Variants in EPPK1 observed in about 807,000 individuals in gnomAD.
EPPK1 encodes the protein epiplakin.
For synonymous variants in EPPK1, 1,862 were observed against 1,721.2 expected (o/e 1.08, Z -2.03); for missense variants, 3,823 against 3,673.3 (o/e 1.04, Z -1.05).
chr8:143,869,419 G>T lies in EPPK1; in HGVS notation c.3835C>A (p.Leu1279Met). 1 of 1,602,670 alleles carries T rather than the reference G, an allele frequency of 6.2e-7. No homozygotes were observed. The change falls in exon 2 of 2, where the codon CTG becomes ATG. Residue 1279 changes from leucine (L) to methionine (M), a missense_variant. Leu to Met is a conservative substitution (Grantham distance 15). Transcript: ENST00000615648. The part of the protein sequence containing the change: ...GLLPTGLGQR[L>M]LEAQVASGFL... The stretch of plus-strand genomic sequence containing the variant: ...CCAGATGCCACCTGGGCTTCCAGCA[G>T]CCTCTGGCCCAGGCCTGTGGGCAGG...
Position 143,857,896 on chromosome 8 carries a change from C to CAAA in EPPK1, c.*88_*90dup, listed in dbSNP as rs35186960. 3,541 of 432,062 alleles carry CAAA rather than the reference C, an allele frequency of 8.2e-3. No homozygotes were observed. Among genetic ancestry groups the CAAA allele is most frequent in the South Asian group, 0.013 (293 of 22,576 alleles). 26.8% of individuals were successfully genotyped at this position (432,062 alleles called of 1,614,324 possible). A position where few individuals can be genotyped will look rare whatever the true frequency, so the allele number is the denominator to read the frequency against. ...GTAAAACAACAAAATTAAAGAATGA[C>CAAA]AAAAAAAAAAAAAAAAAAAAAAACA... On this transcript the variant is annotated 3_prime_UTR_variant, in exon 2 of 2. Coordinates refer to ENST00000615648, the MANE Select transcript of EPPK1 (RefSeq NM_031308.4).
Position 143,872,355 on chromosome 8 carries a change from CTCT to C in EPPK1, c.896_898del (p.Lys299del), listed in dbSNP as rs1358576752. Reference sequence around the variant, plus strand: ...GTGCTCGGTGGCAGCCTGGAAAAAGCTCTTCTTGTGGCCTTCGGGCAGCAGGAC... The same window carrying C: ...GTGCTCGGTGGCAGCCTGGAAAAAGCTCTTGTGGCCTTCGGGCAGCAGGAC... On this transcript the variant is annotated inframe_deletion, in exon 2 of 2. Transcript: ENST00000615648. 1.9e-6 allele frequency: 3 copies of C among 1,605,334 alleles called. No homozygotes were observed. Among genetic ancestry groups the C allele is most frequent in the Non-Finnish European group, 1.7e-6 (2 of 1,178,266 alleles).
Position 143,864,833 on chromosome 8 carries a change from G to A in EPPK1, c.8421C>T (p.Phe2807=). 4 of 350,454 alleles carry A rather than the reference G, an allele frequency of 1.1e-5. 1 individual carries two copies. The highest frequency in any genetic ancestry group is 1.1e-4 in the East Asian group (3 of 28,566). 21.7% of individuals were successfully genotyped at this position (350,454 alleles called of 1,614,324 possible). A position where few individuals can be genotyped will look rare whatever the true frequency, so the allele number is the denominator to read the frequency against. ...TCAGGTTGCGCACGGGGTCGATGACGAAGCCGGTGGCCGCCTGCGCCTCCA... is the reference window on the plus strand; with the variant it reads ...TCAGGTTGCGCACGGGGTCGATGACAAAGCCGGTGGCCGCCTGCGCCTCCA... The part of the protein sequence containing the change: ...VLLEAQAATG[F]VIDPVRNLRL... The change falls in exon 2 of 2, where the codon TTC becomes TTT. Residue 2807 remains phenylalanine, a synonymous_variant. Coordinates refer to ENST00000615648, the MANE Select transcript of EPPK1 (RefSeq NM_031308.4).
chr8:143,872,006 C>A lies in EPPK1; in HGVS notation c.1248G>T (p.Glu416Asp). ...CPARRLRLPL[E>D]AALRCGCLDE... Reference sequence around the variant, plus strand: ...CCAGGCAGCCGCAGCGCAGGGCGGCCTCCAGGGGCAGCCGGAGCCTGCGTG... The same window carrying A: ...CCAGGCAGCCGCAGCGCAGGGCGGCATCCAGGGGCAGCCGGAGCCTGCGTG... Residue 416 changes from glutamate (E) to aspartate (D), a missense_variant, in exon 2 of 2, where the codon GAG (glutamate) becomes GAT (aspartate). Transcript: ENST00000615648. The A allele has an allele frequency of 1.3e-6, 2 of 1,576,370 alleles. No individual in the cohort carries two copies. The highest frequency in any genetic ancestry group is 8.6e-7 in the Non-Finnish European group (1 of 1,164,470).
At chr8:143,874,613 C>T (rs1369655932) in intron 1 of EPPK1, among the ~76,000 whole-genome samples, 1 of 152,198 alleles carries the variant, frequency 6.6e-6, no homozygotes, top group Non-Finnish European at 1.5e-5. Flanking sequence ...GCCCACTCCT[C>T]GCCTTCCGGC....
Position 143,865,400 on chromosome 8 carries a change from C to T in EPPK1, c.7854G>A (p.Glu2618=), listed in dbSNP as rs1819084043. 9.7e-6 allele frequency: 3 copies of T among 310,034 alleles called. No homozygotes were observed. Among genetic ancestry groups the T allele is most frequent in the East Asian group, 6.6e-5 (1 of 15,240 alleles). 19.2% of individuals were successfully genotyped at this position (310,034 alleles called of 1,614,324 possible). ...CGGCGGCGGCCTCCTGGGTCTCGCC[C>T]TCCCCCTGGCCCTCTCGCTGGGAGC... ...SGRSQREGQG[E]GETQEAAAAA... The change falls in exon 2 of 2, where the codon GAG becomes GAA. Residue 2618 remains glutamate (E), a synonymous_variant. Transcript: ENST00000615648.
chr8:143,870,970 C>T lies in EPPK1; in HGVS notation c.2284G>A (p.Asp762Asn). 6.2e-7 allele frequency: 1 copy of T among 1,613,502 alleles called. No individual in the cohort carries two copies. Among genetic ancestry groups the T allele is most frequent in the Non-Finnish European group, 8.5e-7 (1 of 1,180,016 alleles). ...GGGTCGAAGAAGCCCTTGGTGTCGT[C>T]AGAAGGGTCCAACAGGATCAAGTTC... ...MLNLILLDPS[D>N]DTKGFFDPNT... Residue 762 changes from aspartate to asparagine, a missense_variant, in exon 2 of 2, where the codon GAC becomes AAC. By Grantham distance (23) the Asp-to-Asn change is conservative (BLOSUM62 1). Coordinates refer to ENST00000615648, the MANE Select transcript of EPPK1 (RefSeq NM_031308.4). The surrounding 1 kb of genome is among the most constrained non-coding windows in gnomAD (Gnocchi z 5.2).
Position 143,871,206 on chromosome 8 carries a change from G to C in EPPK1, c.2048C>G (p.Ser683Trp), listed in dbSNP as rs530405726. The C allele has an allele frequency of 4.3e-6, 7 of 1,613,250 alleles. No homozygotes were observed. The highest frequency in any genetic ancestry group is 5.9e-6 in the Non-Finnish European group (7 of 1,180,032). The change falls in exon 2 of 2, where the codon TCG becomes TGG. Residue 683 changes from serine to tryptophan, a missense_variant. Coordinates refer to ENST00000615648, the MANE Select transcript of EPPK1 (RefSeq NM_031308.4). ...IGPDVFAKLL[S>W]AERAVTGYTD... ...GTAGCCAGTGACAGCGCGCTCAGCC[G>C]ACAGCAGCTTCGCGAACACATCAGG...
rs566443848 is a variant in EPPK1, at chr8:143,857,605, G to A, written c.*382C>T. ...ATAGCACATCGTTAGGGAAATAACC[G>A]CATGTAATAAAAATTACACTGCAAC... On this transcript the variant is annotated 3_prime_UTR_variant, in exon 2 of 2. Coordinates refer to ENST00000615648, the MANE Select transcript of EPPK1 (RefSeq NM_031308.4). The A allele has an allele frequency of 5.7e-5, 12 of 212,022 alleles. No individual in the cohort carries two copies. The highest frequency in any genetic ancestry group is 2.5e-4 in the African/African-American group (11 of 43,694). 13.1% of individuals were successfully genotyped at this position (212,022 alleles called of 1,614,324 possible).
At position 143,868,705 on chromosome 8, in the gene EPPK1, G is replaced by T. The variant is rs368146843; in HGVS notation, c.4549C>A (p.Leu1517Met). 23 of 1,579,830 alleles carry T rather than the reference G, an allele frequency of 1.5e-5. No homozygotes were observed. The highest frequency in any genetic ancestry group is 1.7e-5 in the Non-Finnish European group (20 of 1,166,040). ...CGGAGCCCTCTGAAGGTGGCCTGCA[G>T]GGGCTGCCTCTCTGCAGCCTCGACC... ...TLVEAAERQP[L>M]QATFRGLRKQ... The change falls in exon 2 of 2, where the codon CTG (leucine) becomes ATG (methionine). Residue 1517 changes from leucine to methionine, a missense_variant. Leu to Met is a conservative substitution (Grantham distance 15). Coordinates refer to ENST00000615648, the MANE Select transcript of EPPK1 (RefSeq NM_031308.4).
In EPPK1 at chr8:143,868,450, G is replaced by GGGCTGTGCCAGGCCGCA. The variant is rs1819217249; in HGVS notation, c.4787_4803dup (p.Leu1602CysfsTer28). The GGGCTGTGCCAGGCCGCA allele has an allele frequency of 1.9e-6, 3 of 1,612,446 alleles. No individual in the cohort carries two copies. The highest frequency in any genetic ancestry group is 2.5e-6 in the Non-Finnish European group (3 of 1,179,794). On this transcript the variant is annotated frameshift_variant, in exon 2 of 2. Transcript: ENST00000615648. LOFTEE classifies it low-confidence loss of function (END_TRUNC). ...GCTGCCTGTGCCTCCAGCAGCACCAGGGCTGTGCCAGGCCGCAGGATGTGC... is the reference window on the plus strand; with the variant it reads ...GCTGCCTGTGCCTCCAGCAGCACCAGGGCTGTGCCAGGCCGCAGGCTGTGCCAGGCCGCAGGATGTGC...
rs782307454 is a variant in EPPK1, at chr8:143,872,125, G to A, written c.1129C>T (p.Leu377Phe). ...AGCCCCTTCTTCATGGCCTGGAAAA[G>A]GGGGATTTGGGAGCCACTGAAGGGG... is the stretch of plus-strand genomic sequence containing the variant. The part of the protein sequence containing the change: ...HDPFSGSQIP[L>F]FQAMKKGLVD... The change falls in exon 2 of 2, where the codon CTT (leucine) becomes TTT (phenylalanine). Residue 377 changes from leucine (L) to phenylalanine (F), a missense_variant. Physicochemically the swap from Leu to Phe is conservative, Grantham distance 22. Transcript: ENST00000615648. The A allele has an allele frequency of 1.9e-6, 3 of 1,565,148 alleles. No homozygotes were observed. Among genetic ancestry groups the A allele is most frequent in the South Asian group, 1.2e-5 (1 of 85,546 alleles).
In EPPK1 at chr8:143,873,231, G is replaced by A; in HGVS notation, c.23C>T (p.Pro8Leu). The A allele has an allele frequency of 5.1e-6, 8 of 1,573,096 alleles. No individual in the cohort carries two copies. The highest frequency in any genetic ancestry group is 6.9e-6 in the Non-Finnish European group (8 of 1,165,046). The change falls in exon 2 of 2, where the codon CCT (proline) becomes CTT (leucine). Residue 8 changes from proline (P) to leucine (L), a missense_variant. Pro to Leu is a moderately conservative substitution (Grantham distance 98). Transcript: ENST00000615648. ...GCTGTTGGTGCCTGGGACGGGAAGAGGAGGCAAGGTGTGGCCACTCATCAC... is the reference window on the plus strand; with the variant it reads ...GCTGTTGGTGCCTGGGACGGGAAGAAGAGGCAAGGTGTGGCCACTCATCAC... MSGHTLP[P>L]LPVPGTNSTE...
chr8:143,868,449 A>C lies in EPPK1; in HGVS notation c.4805T>G (p.Leu1602Arg). The part of the protein sequence containing the change: ...RRHILRPGTA[L>R]VLLEAQAATG... ...AGCTGCCTGTGCCTCCAGCAGCACC[A>C]GGGCTGTGCCAGGCCGCAGGATGTG... Residue 1602 changes from leucine to arginine, a missense_variant, in exon 2 of 2, where the codon CTG becomes CGG. Physicochemically the swap from Leu to Arg is moderately radical, Grantham distance 102. Transcript: ENST00000615648. The C allele has an allele frequency of 1.2e-6, 2 of 1,612,512 alleles. No individual in the cohort carries two copies. The highest frequency in any genetic ancestry group is 1.7e-6 in the Non-Finnish European group (2 of 1,179,740).
At chr8:143,877,784 A>G (rs1157851012) in intron 1 of EPPK1, among the ~76,000 whole-genome samples, 2 of 152,030 alleles carry the variant, frequency 1.3e-5, no homozygotes, top group Admixed American at 6.5e-5. Context: ...AGTGGCCCCA[A>G]TAACAAGCTT....
Position 143,866,858 on chromosome 8 carries a change from T to C in EPPK1, c.6396A>G (p.Thr2132=), listed in dbSNP as rs782042830. Residue 2132 remains threonine, a synonymous_variant, in exon 2 of 2, where the codon ACA becomes ACG. Coordinates refer to ENST00000615648, the MANE Select transcript of EPPK1 (RefSeq NM_031308.4). The part of the protein sequence containing the change: ...LWALLNSEYV[T]EEKKLQLVRM... ...TCACCAGCTGGAGCTTCTTCTCCTC[T>C]GTCACGTATTCGGAATTCAGTAGTG... 240 of 1,613,214 alleles carry C rather than the reference T, an allele frequency of 1.5e-4. No homozygotes were observed. The highest frequency in any genetic ancestry group is 2.0e-4 in the Non-Finnish European group (236 of 1,179,874).
At position 143,873,152 on chromosome 8, in the gene EPPK1, C is replaced by T. The variant is rs1554661879; in HGVS notation, c.102G>A (p.Thr34=). 1.6e-5 allele frequency: 26 copies of T among 1,588,532 alleles called. No homozygotes were observed. The highest frequency in any genetic ancestry group is 2.3e-5 in the South Asian group (2 of 87,340). ...TGCTCCTGGCCTGGGGCCTGGGGGGCGTGCCGGCTCCCAGCGTGGCTGCCA... is the reference window on the plus strand; with the variant it reads ...TGCTCCTGGCCTGGGGCCTGGGGGGTGTGCCGGCTCCCAGCGTGGCTGCCA... ...RAMAATLGAG[T]PPRPQARSIA... Residue 34 remains threonine, a synonymous_variant, in exon 2 of 2, where the codon ACG becomes ACA. Coordinates refer to ENST00000615648, the MANE Select transcript of EPPK1 (RefSeq NM_031308.4).
Position 143,866,635 on chromosome 8 carries a change from T to C in EPPK1, c.6619A>G (p.Thr2207Ala). Reference protein sequence around the residue: ...LQDLETGRSTTQELMEDDRVK... With the variant: ...LQDLETGRSTAQELMEDDRVK... ...CGGTCGTCCTCCATGAGCTCTTGCG[T>C]CGTGCTCCGTCCCGTTTCCAGGTCC... The change falls in exon 2 of 2, where the codon ACG becomes GCG. Residue 2207 changes from threonine to alanine, a missense_variant. Thr to Ala is a moderately conservative substitution (Grantham distance 58, BLOSUM62 0). Coordinates refer to ENST00000615648, the MANE Select transcript of EPPK1 (RefSeq NM_031308.4). 2 of 1,613,010 alleles carry C rather than the reference T, an allele frequency of 1.2e-6. No homozygotes were observed. The highest frequency in any genetic ancestry group is 8.5e-7 in the Non-Finnish European group (1 of 1,179,878).
chr8:143,870,021 G>A lies in EPPK1; in HGVS notation c.3233C>T (p.Ser1078Phe), dbSNP rs1255822926. The A allele has an allele frequency of 5.0e-6, 8 of 1,610,870 alleles. No homozygotes were observed. The highest frequency in any genetic ancestry group is 1.3e-5 in the African/African-American group (1 of 74,868). ...TGTGGGGAAGGTTTCGGAGGAGCTG[G>A]ACAAGGCTGTCTCCATCTCCTGGTC... ...YVDQEMETAL[S>F]SSSETFPTPD... Residue 1078 changes from serine (S) to phenylalanine (F), a missense_variant, in exon 2 of 2, where the codon TCC (serine) becomes TTC (phenylalanine). Physicochemically the swap from Ser to Phe is radical, Grantham distance 155. Transcript: ENST00000615648. This position sits in a 1 kb window ranked among gnomAD's most constrained non-coding sequence, Gnocchi z 5.2.
Sources: allele counts gnomAD v4.1 joint callset (sites outside exome capture counted in the v4.1 genomes callset), GRCh38; gene constraint gnomAD v4.1.1; non-coding constraint Gnocchi (gnomAD v3.1); transcripts MANE v1.5; gene names NCBI Gene and HGNC (gene_info 2026-07-23, HGNC 2026-07-21).